The following HYAL4 variants were observed in gnomAD, a reference collection of about 807,000 sequenced individuals.
HYAL4 encodes hyaluronidase 4.
Under a neutral mutation model 35.2 loss-of-function variants are expected in HYAL4, and 37 were observed. The ratio of observed to expected loss-of-function variants is 1.05; its 90% CI spans 0.81 to 1.38. The LOEUF (loss-of-function observed/expected upper bound fraction) is 1.38. Ranked by LOEUF, HYAL4 falls within the 40% of genes most tolerant of loss-of-function variation. HYAL4 has a pLI of 0.00. For synonymous variants in HYAL4, 198 were observed against 203.2 expected, an observed-to-expected ratio of 0.97 and a Z score of 0.22; for missense variants, 572 against 572.4, an observed-to-expected ratio of 1.00 and a Z score of 0.01.
chr7:123,864,449 T>C (rs575244601), intron 2 of HYAL4, among the ~76,000 whole-genome samples: 2 of 152,172 alleles, frequency 1.3e-5, no homozygotes, highest in Admixed American at 1.3e-4. Context: ...TTTCTAAACA[T>C]TGTCATTTAG....
chr7:123,805,667 AAG>A, the HYAL4 span, among the ~76,000 whole-genome samples: 2 of 152,336 alleles, frequency 1.3e-5, no homozygotes, highest in East Asian at 1.9e-4. Context: ...TTTAATAAAA[AAG>A]AGAAGATACA....
chr7:123,837,120 G>A (rs551166217), intron 1 of HYAL4, among the ~76,000 whole-genome samples: 3 of 152,186 alleles, frequency 2.0e-5, no homozygotes, highest in African/African-American at 7.2e-5. Context: ...AATTCTCTCA[G>A]CATTTGTTTG....
chr7:123,771,431 G>GT, the HYAL4 span, among the ~76,000 whole-genome samples: 91 of 152,164 alleles, frequency 6.0e-4, no homozygotes, highest in African/African-American at 2.1e-3. Flanking sequence ...TGCGTTGGAT[G>GT]TTTAGCAACC....
chr7:123,778,801 A>G, the HYAL4 span, among the ~76,000 whole-genome samples: 1 of 152,204 alleles, frequency 6.6e-6, no homozygotes, highest in Non-Finnish European at 1.5e-5. Context: ...CAATTGAAAT[A>G]TCTAAATATT....
At chr7:123,777,004 A>G in the HYAL4 span, among the ~76,000 whole-genome samples, 1 of 152,352 alleles carries the variant, frequency 6.6e-6, no homozygotes. Context: ...GAATTTTGCA[A>G]CAGACCATTA....
At chr7:123,811,156 G>A in the HYAL4 span, among the ~76,000 whole-genome samples, 1 of 152,030 alleles carries the variant, frequency 6.6e-6, no homozygotes, top group Non-Finnish European at 1.5e-5. Context: ...AAACATTCTT[G>A]TGCAGATTTT....
chr7:123,776,680 A>G, the HYAL4 span, among the ~76,000 whole-genome samples: 1 of 152,094 alleles, frequency 6.6e-6, no homozygotes, highest in African/African-American at 2.4e-5. Flanking sequence ...TGGCCTCCCA[A>G]AGTGCTGTGA....
At chr7:123,823,701 T>C in the HYAL4 span, among the ~76,000 whole-genome samples, 13 of 141,932 alleles carry the variant, frequency 9.2e-5, no homozygotes, top group Non-Finnish European at 1.5e-4. Flanking sequence ...CACACACATA[T>C]ATATTTATAT....
chr7:123,861,966 C>T (rs1806585029), intron 2 of HYAL4, among the ~76,000 whole-genome samples: 1 of 151,960 alleles, frequency 6.6e-6, no homozygotes, highest in Non-Finnish European at 1.5e-5. Context: ...AATTGAGAAA[C>T]CTCTAACATT....
rs1261134432 is a variant in HYAL4 at position 123,877,050 on chromosome 7, A to C, written c.1341A>C (p.Arg447Ser). 1 of 1,614,206 alleles carries C rather than the reference A, an allele frequency of 6.2e-7. No individual in the cohort carries two copies. The highest frequency in any genetic ancestry group is 8.5e-7 in the Non-Finnish European group (1 of 1,180,022). Reference sequence around the variant, plus strand: ...AGGGATATGAAGGAGCTGATTGCAGAGAAATAAAGACGGCTGATGGCTGCT... The same window carrying C: ...AGGGATATGAAGGAGCTGATTGCAGCGAAATAAAGACGGCTGATGGCTGCT... ...CYQGYEGADCREIKTADGCSG... is the reference protein window; with the variant it reads ...CYQGYEGADCSEIKTADGCSG... The change falls in exon 5 of 5, where the codon AGA (arginine) becomes AGC (serine). Residue 447 changes from arginine (R) to serine (S), a missense_variant. Coordinates refer to ENST00000223026, the MANE Select transcript of HYAL4 (RefSeq NM_012269.3).
chr7:123,775,309 G>T, the HYAL4 span, among the ~76,000 whole-genome samples: 1 of 152,054 alleles, frequency 6.6e-6, no homozygotes, highest in Non-Finnish European at 1.5e-5. Flanking sequence ...CATGCCTATA[G>T]TACTAGCTAC....
the HYAL4 span, among the ~76,000 whole-genome samples, chr7:123,820,084 G>A: frequency 6.6e-6 from 1 of 151,326 alleles, no homozygotes; most frequent in East Asian, 2.0e-4. Flanking sequence ...GTAGAGACAG[G>A]GTTTCGTTAT....
chr7:123,857,677 C>CTTTGTTTCTTTCTTTGTTTCTTTG (rs1400897639), intron 2 of HYAL4, among the ~76,000 whole-genome samples: 5 of 78,920 alleles, frequency 6.3e-5, no homozygotes, highest in African/African-American at 2.4e-4. Flanking sequence ...TTGTTTCTTT[C>CTTTGTTTCTTTCTTTGTTTCTTTG]TTTCTTTCTT....
intron 3 of HYAL4, among the ~76,000 whole-genome samples, chr7:123,872,091 GT>G (rs1806898638): frequency 3.3e-5 from 5 of 152,224 alleles, no homozygotes; most frequent in African/African-American, 1.2e-4. Flanking sequence ...TGGGCTTCTA[GT>G]GTACCCATCA....
At chr7:123,836,543 A>G (rs1034894309) in intron 1 of HYAL4, among the ~76,000 whole-genome samples, 36 of 152,226 alleles carry the variant, frequency 2.4e-4, no homozygotes, top group Admixed American at 1.9e-3. Context: ...CTGCAATTCT[A>G]TATCTTTTAA....
intron 3 of HYAL4, among the ~76,000 whole-genome samples, chr7:123,873,652 G>T (rs778057313): frequency 1.2e-4 from 18 of 152,230 alleles, no homozygotes; most frequent in Non-Finnish European, 2.2e-4. Context: ...TGGGGTGAGG[G>T]AATGTGTTGT....
intron 3 of HYAL4, among the ~76,000 whole-genome samples, chr7:123,871,874 A>G (rs1304871381): frequency 6.6e-6 from 1 of 152,246 alleles, no homozygotes; most frequent in Non-Finnish European, 1.5e-5. Flanking sequence ...ATCTCAGGCA[A>G]TAGCTATAGC....
chr7:123,872,696 A>G (rs1047295187), intron 3 of HYAL4, among the ~76,000 whole-genome samples: 1 of 152,206 alleles, frequency 6.6e-6, no homozygotes, highest in Non-Finnish European at 1.5e-5. Flanking sequence ...AGGTGGTCCC[A>G]ATCTGCTCCC....
the HYAL4 span, among the ~76,000 whole-genome samples, chr7:123,804,748 C>A: frequency 6.6e-6 from 1 of 152,262 alleles, no homozygotes; most frequent in East Asian, 1.9e-4. Flanking sequence ...TGGTGGTGAA[C>A]TCTGCTGATA....
Sources: allele counts gnomAD v4.1 joint callset (sites outside exome capture counted in the v4.1 genomes callset), GRCh38; gene constraint gnomAD v4.1.1; transcripts MANE v1.5; gene names NCBI Gene and HGNC (gene_info 2026-07-23, HGNC 2026-07-21).